The following SCN3A variants were observed in gnomAD, a reference collection of about 807,000 sequenced individuals.
The protein encoded by SCN3A is sodium channel protein type 3 subunit alpha.
Under a neutral mutation model 187.6 loss-of-function variants are expected in SCN3A, and 60 were observed. That is an observed-to-expected ratio of 0.32 (90% CI 0.26 to 0.40). SCN3A has a LOEUF of 0.40. Ranked by LOEUF, SCN3A falls within the 10% of genes least tolerant of loss-of-function variation. The probability of loss-of-function intolerance (pLI) is 1.00; values close to 1 mark genes in which losing one functional copy is unlikely to be tolerated. For missense variants in SCN3A, 1,601 were observed against 2,428.2 expected, an observed-to-expected ratio of 0.66 and a Z score of 7.16; for synonymous variants, 788 against 829.2, an observed-to-expected ratio of 0.95 and a Z score of 0.85.
chr2:165,190,584 CTT>C (rs1279348652), intron 1 of SCN3A, among the ~76,000 whole-genome samples: 2 of 143,108 alleles, frequency 1.4e-5, no homozygotes, highest in Non-Finnish European at 3.0e-5. Flanking sequence ...TTATATAAAA[CTT>C]TATATATATA....
chr2:165,098,150 ATC>A (rs796508550), intron 22 of SCN3A, among the ~76,000 whole-genome samples: 9 of 152,268 alleles, frequency 5.9e-5, no homozygotes, highest in African/African-American at 1.9e-4. Context: ...TTACTTCACA[ATC>A]TCTTAAATGT....
At chr2:165,116,557 A>G (rs1271480982) in intron 18 of SCN3A, among the ~76,000 whole-genome samples, 1 of 152,152 alleles carries the variant, frequency 6.6e-6, no homozygotes, top group Non-Finnish European at 1.5e-5. Flanking sequence ...CAAAGCCCCC[A>G]TTAACTTTGG....
chr2:165,094,859 C>A (rs1685288168), intron 25 of SCN3A, among the ~76,000 whole-genome samples: 1 of 152,110 alleles, frequency 6.6e-6, no homozygotes, highest in Non-Finnish European at 1.5e-5. Flanking sequence ...GTCAGAATTA[C>A]ATAAATATAT....
intron 12 of SCN3A, among the ~76,000 whole-genome samples, chr2:165,145,520 A>G (rs1412444233): frequency 1.3e-5 from 2 of 152,086 alleles, no homozygotes; most frequent in African/African-American, 4.8e-5. Context: ...TTCTAATATG[A>G]GAATACAAGT....
rs1234836083 is a variant in SCN3A, at chr2:165,164,406, A to G, written c.588T>C (p.Ser196=). The G allele has an allele frequency of 2.5e-6, 4 of 1,613,724 alleles. No individual in the cohort carries two copies. The East Asian group carries it at 6.7e-5, about 27-fold the overall frequency. Residue 196 remains serine, a synonymous_variant, in exon 6 of 28, where the codon AGT becomes AGC. Transcript: ENST00000283254. The part of the protein sequence containing the change: ...LRDPWNWLDF[S]VIVMAYVTEF... ...AAGTTACTCACGCCATCACAATGAC[A>G]CTGAAATCCAGCCAGTTCCATGGAT...
At chr2:165,159,637 C>T (rs1196179659) in intron 9 of SCN3A, among the ~76,000 whole-genome samples, 1 of 133,344 alleles carries the variant, frequency 7.5e-6, no homozygotes, top group Non-Finnish European at 1.5e-5. Context: ...TGCTGGATTA[C>T]AGGAATGAGC....
intron 12 of SCN3A, among the ~76,000 whole-genome samples, chr2:165,142,611 A>G (rs1022599949): frequency 2.0e-5 from 3 of 152,216 alleles, no homozygotes; most frequent in Non-Finnish European, 4.4e-5. Context: ...TCAAGAGATT[A>G]GATCATGTGA....
intron 9 of SCN3A, among the ~76,000 whole-genome samples, chr2:165,161,323 G>A (rs1689384276): frequency 6.6e-6 from 1 of 151,838 alleles, no homozygotes; most frequent in Admixed American, 6.6e-5. Flanking sequence ...TTAACGATGA[G>A]TAAACTAAGG....
chr2:165,089,865 T>C lies in SCN3A; in HGVS notation c.*285A>G. The C allele has an allele frequency of 2.4e-6, 1 of 422,998 alleles. No homozygotes were observed. Among genetic ancestry groups the C allele is most frequent in the South Asian group, 2.7e-5 (1 of 37,072 alleles). The allele number at this position is 422,998 out of a possible 1,614,324, so 26.2% of individuals were successfully genotyped here. A position where few individuals can be genotyped will look rare whatever the true frequency, so the allele number is the denominator to read the frequency against. ...CTAAAGGTGTTTGGTGTAGTTACAA[T>C]GTTCACTTTGCACAACTATCCCTAT... On this transcript the variant is annotated 3_prime_UTR_variant, in exon 28 of 28. Coordinates refer to ENST00000283254, the MANE Select transcript of SCN3A (RefSeq NM_006922.4).
chr2:165,154,833 A>G (rs949185037), intron 10 of SCN3A, among the ~76,000 whole-genome samples, 175 bp from the exon 11 acceptor site: 1 of 152,188 alleles, frequency 6.6e-6, no homozygotes, highest in African/African-American at 2.4e-5. Context: ...GAATCAGATT[A>G]TTTGAGGCTT....
At chr2:165,097,658 T>A in intron 22 of SCN3A, 134 bp from the exon 23 acceptor site, 1 of 1,125,758 alleles carries the variant, frequency 8.9e-7, no homozygotes, top group Non-Finnish European at 1.3e-6. Context: ...TTGTTTCTTC[T>A]AATTTTTCTA....
chr2:165,172,791 G>A (rs1172101223), intron 3 of SCN3A, among the ~76,000 whole-genome samples: 3 of 152,090 alleles, frequency 2.0e-5, no homozygotes, highest in Non-Finnish European at 2.9e-5. Context: ...GAGCATCTTC[G>A]TTGAATTTAT....
At chr2:165,133,494 A>G (rs1017896665) in intron 15 of SCN3A, among the ~76,000 whole-genome samples, 1 of 151,706 alleles carries the variant, frequency 6.6e-6, no homozygotes, top group Non-Finnish European at 1.5e-5. Context: ...TGGGCTACCT[A>G]CCATGCCCAG....
chr2:165,200,609 C>G (rs184675886), intron 1 of SCN3A, among the ~76,000 whole-genome samples: 44 of 152,112 alleles, frequency 2.9e-4, no homozygotes, highest in African/African-American at 1.0e-3. Flanking sequence ...TATTTTTAAG[C>G]CTCCCAAGCT....
intron 18 of SCN3A, among the ~76,000 whole-genome samples, chr2:165,118,002 G>A (rs1161484856): frequency 6.6e-6 from 1 of 152,132 alleles, no homozygotes; most frequent in Admixed American, 6.5e-5. Flanking sequence ...ATCCTTTACA[G>A]CACAAGTCCT....
rs778744191 is a variant in SCN3A, at chr2:165,137,920, T to C, written c.2350A>G (p.Met784Val). ...AACACACTACTGAATTGCTCAGTCA[T>C]GGGGTAGTGCTCCATGGCCATAAAG... ...TLFMAMEHYP[M>V]TEQFSSVLTV... Residue 784 changes from methionine to valine, a missense_variant, in exon 15 of 28, where the codon ATG becomes GTG. Physicochemically the swap from Met to Val is conservative, Grantham distance 21 (BLOSUM62 1). Coordinates refer to ENST00000283254, the MANE Select transcript of SCN3A (RefSeq NM_006922.4). The C allele has an allele frequency of 3.1e-6, 5 of 1,613,240 alleles. No individual in the cohort carries two copies. Among genetic ancestry groups the C allele is most frequent in the Middle Eastern group, 1.6e-4 (1 of 6,084 alleles).
intron 1 of SCN3A, among the ~76,000 whole-genome samples, chr2:165,203,080 C>T (rs1477324810): frequency 6.6e-6 from 1 of 151,382 alleles, no homozygotes; most frequent in Non-Finnish European, 1.5e-5. Context: ...TAAAAATAAA[C>T]AGTTATTAAA....
chr2:165,198,320 A>G (rs1692098098), intron 1 of SCN3A, among the ~76,000 whole-genome samples: 1 of 152,062 alleles, frequency 6.6e-6, no homozygotes, highest in African/African-American at 2.4e-5. Context: ...CTAGGAGAAA[A>G]GGAATCTGAG....
intron 3 of SCN3A, among the ~76,000 whole-genome samples, chr2:165,170,800 C>A (rs1690056660): frequency 6.6e-6 from 1 of 151,954 alleles, no homozygotes; most frequent in Non-Finnish European, 1.5e-5. Flanking sequence ...CAATTCTACA[C>A]AAATTTTTTT....
Sources: gnomAD v4.1 joint callset for allele counts (sites outside exome capture counted in the v4.1 genomes callset) on GRCh38, gnomAD v4.1.1 for gene constraint, MANE v1.5 for transcripts, NCBI Gene and HGNC (gene_info 2026-07-23, HGNC 2026-07-21) for gene names.